The following SLIT2 variants were observed in gnomAD, a reference collection of about 807,000 sequenced individuals.
The protein encoded by SLIT2 is slit homolog 2 protein.
Under a neutral mutation model 185.7 loss-of-function variants are expected in SLIT2, and 41 were observed. That is an observed-to-expected ratio of 0.22 (90% CI 0.17 to 0.29). SLIT2 has a LOEUF of 0.29. Among genes scored for constraint, SLIT2 ranks in the 10% least tolerant of loss-of-function variants. The probability of loss-of-function intolerance (pLI) is 1.00; values close to 1 mark genes in which losing one functional copy is unlikely to be tolerated. For missense variants in SLIT2, 1,571 were observed against 1,909.0 expected, an observed-to-expected ratio of 0.82 and a Z score of 3.30; for synonymous variants, 693 against 680.2, an observed-to-expected ratio of 1.02 and a Z score of -0.29.
intron 4 of SLIT2, among the ~76,000 whole-genome samples, chr4:20,421,998 A>C (rs578087188): frequency 1.3e-5 from 2 of 152,118 alleles, no homozygotes; most frequent in Non-Finnish European, 2.9e-5. Flanking sequence ...CACCTCCACA[A>C]CATGTTGCTG....
chr4:20,254,087 T>C lies in SLIT2; in HGVS notation c.179+93T>C. 1 of 1,320,234 alleles carries C rather than the reference T, an allele frequency of 7.6e-7. No homozygotes were observed. Among genetic ancestry groups the C allele is most frequent in the South Asian group, 1.3e-5 (1 of 76,600 alleles). The allele number at this position is 1,320,234 out of a possible 1,614,324, so 81.8% of individuals were successfully genotyped here. On this transcript the variant is annotated intron_variant, in intron 1 of 36. Coordinates refer to ENST00000504154, the MANE Select transcript of SLIT2 (RefSeq NM_004787.4). This position sits in a 1 kb window ranked among gnomAD's most constrained non-coding sequence, Gnocchi z 5.1. ...ACCTGTCAGCTCAGGGTCCTGTGCCTGGGGCAGCCCTCGCTAGCTCTCCCC... is the reference window on the plus strand; with the variant it reads ...ACCTGTCAGCTCAGGGTCCTGTGCCCGGGGCAGCCCTCGCTAGCTCTCCCC...
At chr4:20,286,526 G>A (rs750727179) in intron 4 of SLIT2, among the ~76,000 whole-genome samples, 30 of 152,160 alleles carry the variant, frequency 2.0e-4, no homozygotes, top group Admixed American at 9.8e-4. Context: ...AGGAGGCCAG[G>A]TGCAGTGACT....
intron 4 of SLIT2, among the ~76,000 whole-genome samples, chr4:20,285,255 AG>A (rs1934202164): frequency 6.6e-6 from 1 of 152,196 alleles, no homozygotes; most frequent in African/African-American, 2.4e-5. Context: ...TGACATTGGA[AG>A]GTGGTGAGTT....
intron 4 of SLIT2, among the ~76,000 whole-genome samples, chr4:20,348,332 A>G (rs1166859156): frequency 6.6e-6 from 1 of 151,752 alleles, no homozygotes; most frequent in East Asian, 1.9e-4. Flanking sequence ...TCCACTTCCC[A>G]GGTTGAAGCA....
At chr4:20,616,726 C>A in intron 34 of SLIT2, 184 bp from the exon 35 acceptor site, 1 of 544,822 alleles carries the variant, frequency 1.8e-6, no homozygotes, top group Non-Finnish European at 3.2e-6. Context: ...GAGCATCTTC[C>A]AATACAGAAC....
intron 3 of SLIT2, among the ~76,000 whole-genome samples, chr4:20,261,487 T>C (rs1032359793): frequency 6.6e-6 from 1 of 151,838 alleles, no homozygotes; most frequent in Non-Finnish European, 1.5e-5. Context: ...CCAGCAATGC[T>C]GTGGGCTTGT....
intron 4 of SLIT2, among the ~76,000 whole-genome samples, chr4:20,338,378 GC>G (rs1281097197): frequency 6.6e-6 from 1 of 152,172 alleles, no homozygotes; most frequent in African/African-American, 2.4e-5. Context: ...ATTGAATTAA[GC>G]TGGTGAGACA....
At chr4:20,548,439 T>C in intron 22 of SLIT2, 49 bp from the exon 23 acceptor site, 1 of 929,590 alleles carries the variant, frequency 1.1e-6, no homozygotes, top group Non-Finnish European at 1.8e-6. Context: ...ATCACTAATA[T>C]TTTCATTTCT....
At chr4:20,301,348 A>T (rs988680721) in intron 4 of SLIT2, among the ~76,000 whole-genome samples, 1 of 152,036 alleles carries the variant, frequency 6.6e-6, no homozygotes, top group East Asian at 1.9e-4. Context: ...CTTTTTTGCA[A>T]TGCTGCAGTG....
chr4:20,519,557 GATAC>G (rs1457907445), intron 12 of SLIT2, 104 bp downstream of exon 12: 8 of 681,598 alleles, frequency 1.2e-5, no homozygotes, highest in Admixed American at 5.3e-5. Context: ...GACTCAAAAT[GATAC>G]AGTTTAACAA....
chr4:20,381,729 T>A (rs1724530316), intron 4 of SLIT2, among the ~76,000 whole-genome samples: 1 of 152,102 alleles, frequency 6.6e-6, no homozygotes, highest in South Asian at 2.1e-4. Context: ...CTGTATGTCT[T>A]CATTGGTGAA....
chr4:20,288,421 G>A (rs1715482455), intron 4 of SLIT2, among the ~76,000 whole-genome samples: 1 of 152,204 alleles, frequency 6.6e-6, no homozygotes, highest in Non-Finnish European at 1.5e-5. Context: ...TAGAAACACT[G>A]ACACATTACT....
chr4:20,425,746 G>A (rs1235361370), intron 4 of SLIT2, among the ~76,000 whole-genome samples: 2 of 152,112 alleles, frequency 1.3e-5, no homozygotes, highest in Non-Finnish European at 2.9e-5. Context: ...TATCCAAAAA[G>A]TTAACAGATT....
chr4:20,475,316 GTT>G (rs5856561), intron 5 of SLIT2, among the ~76,000 whole-genome samples: 3,819 of 140,772 alleles, frequency 0.027, 52 homozygotes, highest in African/African-American at 0.036. Flanking sequence ...TGAGGTTTTG[GTT>G]TTTTTTTTTT....
chr4:20,354,876 G>A (rs1722179816), intron 4 of SLIT2, among the ~76,000 whole-genome samples: 1 of 141,884 alleles, frequency 7.0e-6, no homozygotes, highest in South Asian at 2.3e-4. Flanking sequence ...GGACACGTGT[G>A]GCAAGTCTGC....
chr4:20,468,597 T>C (rs1454928472), intron 5 of SLIT2, among the ~76,000 whole-genome samples: 4 of 152,140 alleles, frequency 2.6e-5, no homozygotes, highest in African/African-American at 9.6e-5. Context: ...GTGACAATCA[T>C]AATATCAATA....
chr4:20,295,064 T>C (rs1716330440), intron 4 of SLIT2, among the ~76,000 whole-genome samples: 1 of 152,202 alleles, frequency 6.6e-6, no homozygotes, highest in South Asian at 2.1e-4. Context: ...ATATTGGAAG[T>C]GACTTTCCTT....
At chr4:20,566,513 C>T (rs1382780848) in intron 26 of SLIT2, among the ~76,000 whole-genome samples, 6 of 151,988 alleles carry the variant, frequency 3.9e-5, no homozygotes, top group South Asian at 2.1e-4. Flanking sequence ...TGCATTTAAT[C>T]GAGACCTTAC....
chr4:20,553,730 C>T, intron 25 of SLIT2, 75 bp from the exon 26 acceptor site: 1 of 1,208,542 alleles, frequency 8.3e-7, no homozygotes, highest in Non-Finnish European at 1.1e-6. Context: ...ACAATACTTC[C>T]ATACTTGTGT....
Sources: gnomAD v4.1 joint callset for allele counts (sites outside exome capture counted in the v4.1 genomes callset) on GRCh38, gnomAD v4.1.1 for gene constraint, Gnocchi (gnomAD v3.1) non-coding constraint, MANE v1.5 for transcripts, NCBI Gene and HGNC (gene_info 2026-07-23, HGNC 2026-07-21) for gene names.